The following APBB2 variants were observed in gnomAD, a reference collection of about 807,000 sequenced individuals.
The protein encoded by APBB2 is amyloid beta precursor protein binding family B member 2.
A neutral mutation model predicts 82.5 loss-of-function variants in APBB2; 38 were observed. That is an observed-to-expected ratio of 0.46 (90% CI 0.36 to 0.60). APBB2 has a LOEUF of 0.60. Ranked by LOEUF, APBB2 falls within the 20% of genes least tolerant of loss-of-function variation. APBB2 has a pLI of 0.00. For missense variants in APBB2, 772 were observed against 972.3 expected (o/e 0.79, Z 2.74); for synonymous variants, 341 against 368.2 (o/e 0.93, Z 0.85).
At position 40,810,120 on chromosome 4, in the gene APBB2, A is replaced by C. The variant is rs1744126033; in HGVS notation, c.*5972T>G. The C allele has an allele frequency of 6.6e-6, 1 of 152,262 alleles. No individual in the cohort carries two copies. The highest frequency in any genetic ancestry group is 1.5e-5 in the Non-Finnish European group (1 of 68,044). 9.4% of individuals were successfully genotyped at this position (152,262 alleles called of 1,614,324 possible). A position where few individuals can be genotyped will look rare whatever the true frequency, so the allele number is the denominator to read the frequency against. On this transcript the variant is annotated 3_prime_UTR_variant, in exon 18 of 18. Coordinates refer to ENST00000508593, the MANE Select transcript of APBB2 (RefSeq NM_004307.2). Reference sequence around the variant, plus strand: ...GCTCAATTCAGGTGGCATGATTTTTAGAATATTATCTTCTTCAAGATGAAT... The same window carrying C: ...GCTCAATTCAGGTGGCATGATTTTTCGAATATTATCTTCTTCAAGATGAAT...
At chr4:41,043,304 T>C (rs1030910621) in intron 4 of APBB2, among the ~76,000 whole-genome samples, 4 of 152,218 alleles carry the variant, frequency 2.6e-5, no homozygotes, top group Non-Finnish European at 2.9e-5. Context: ...AATGGAATAC[T>C]ATGCATCACT....
Position 40,827,136 on chromosome 4 carries a change from C to T in APBB2, c.1728G>A (p.Leu576=). 1 of 1,614,042 alleles carries T rather than the reference C, an allele frequency of 6.2e-7. No homozygotes were observed. The highest frequency in any genetic ancestry group is 1.3e-5 in the African/African-American group (1 of 75,050). ...CATGAGGTGCCACTGACTTACCTTGCAAAGGGACATCGAGGTTCACATTGG... is the reference window on the plus strand; with the variant it reads ...CATGAGGTGCCACTGACTTACCTTGTAAAGGGACATCGAGGTTCACATTGG... ...ERANVNLDVP[L]QVDFPTPKTE... Residue 576 remains leucine (L), a synonymous_variant, in exon 14 of 18, where the codon TTG becomes TTA. Transcript: ENST00000508593.
At chr4:40,817,443 TGAACAACA>T (rs1746147181) in intron 17 of APBB2, among the ~76,000 whole-genome samples, 1 of 152,014 alleles carries the variant, frequency 6.6e-6, no homozygotes, top group African/African-American at 2.4e-5. Context: ...AGCTGATCTT[TGAACAACA>T]GAGTTTGAAC....
chr4:41,150,106 T>C (rs1393056251), intron 1 of APBB2, among the ~76,000 whole-genome samples: 2 of 152,230 alleles, frequency 1.3e-5, no homozygotes, highest in Admixed American at 6.5e-5. Flanking sequence ...TCCCAGATGA[T>C]GCTAATACAG....
chr4:41,108,365 TAAAA>T (rs911764610), intron 2 of APBB2, among the ~76,000 whole-genome samples: 1 of 148,292 alleles, frequency 6.7e-6, no homozygotes, highest in Admixed American at 6.7e-5. Flanking sequence ...GTCCATTTCT[TAAAA>T]AAAAAAGAAA....
At chr4:40,982,231 AAAGAAAGAAAGAAAGAAAG>A (rs1295895556) in intron 6 of APBB2, among the ~76,000 whole-genome samples, 5 of 6,462 alleles carry the variant, frequency 7.7e-4, no homozygotes, top group African/African-American at 1.7e-3. Context: ...GGAAAGAAAG[AAAGAAAGAAAGAAAGAAAG>A]AAAGAAAGAA....
chr4:41,077,133 T>G (rs1735916390), intron 3 of APBB2, among the ~76,000 whole-genome samples: 1 of 150,000 alleles, frequency 6.7e-6, no homozygotes, highest in Admixed American at 6.7e-5. Flanking sequence ...ACTTCCCGAG[T>G]AACTAGGACT....
chr4:41,205,671 C>T lies in APBB2; in HGVS notation c.-417+8734G>A, dbSNP rs1189044102. Among the ~76,000 whole-genome samples, 3 of 152,154 alleles carry T rather than the reference C, an allele frequency of 2.0e-5. No homozygotes were observed. The East Asian group carries it at 5.8e-4, about 29-fold the overall frequency. ...CTGCCCTGGATACTCTAAACTCAAG[C>T]TCTTTAGAGTCAAAAGGTAAAGTTT... is the stretch of plus-strand genomic sequence containing the variant. On this transcript the variant is annotated intron_variant, in intron 1 of 17. Transcript: ENST00000508593.
At chr4:41,209,039 G>T (rs1778664604) in intron 1 of APBB2, among the ~76,000 whole-genome samples, 1 of 152,080 alleles carries the variant, frequency 6.6e-6, no homozygotes, top group African/African-American at 2.4e-5. Flanking sequence ...CTTACTTCCT[G>T]CCCAGTTGTG....
intron 6 of APBB2, among the ~76,000 whole-genome samples, chr4:40,992,361 T>TGC (rs1553899619): frequency 1.4e-5 from 2 of 139,300 alleles, no homozygotes; most frequent in Non-Finnish European, 3.1e-5. Flanking sequence ...TTGGTAGAGA[T>TGC]GGGGGGGGGT....
chr4:41,138,214 T>C (rs80132496), intron 2 of APBB2: 2 of 152,098 alleles, frequency 1.3e-5, no homozygotes, highest in Admixed American at 6.6e-5. Context: ...AAACTTTTCA[T>C]GAGCTTTGAT....
At chr4:40,975,818 A>G (rs1797057252) in intron 6 of APBB2, among the ~76,000 whole-genome samples, 1 of 150,416 alleles carries the variant, frequency 6.6e-6, no homozygotes, top group African/African-American at 2.4e-5. Flanking sequence ...CCCTATATAA[A>G]CCTCATTCTC....
chr4:41,193,686 G>A, intron 1 of APBB2: 1 of 366,004 alleles, frequency 2.7e-6, no homozygotes, highest in Non-Finnish European at 3.8e-6. Context: ...CACTGCTGCT[G>A]TTACAGCAAC....
At chr4:41,151,439 TG>T (rs1367490136) in intron 1 of APBB2, among the ~76,000 whole-genome samples, 2 of 152,376 alleles carry the variant, frequency 1.3e-5, no homozygotes, top group East Asian at 3.8e-4. Context: ...TTTTAATTAA[TG>T]AGATTTATCT....
At chr4:41,001,827 G>A (rs1179775804) in intron 6 of APBB2, among the ~76,000 whole-genome samples, 3 of 150,596 alleles carry the variant, frequency 2.0e-5, no homozygotes, top group Admixed American at 6.6e-5. Context: ...GCAGTGAGCC[G>A]AAATCGCGCC....
At chr4:41,137,627 T>A (rs1418770827) in intron 2 of APBB2, among the ~76,000 whole-genome samples, 1 of 152,110 alleles carries the variant, frequency 6.6e-6, no homozygotes, top group African/African-American at 2.4e-5. Context: ...AAAATTGCAT[T>A]GCAAAAACCA....
chr4:41,180,088 A>G (rs1441805334), intron 1 of APBB2, among the ~76,000 whole-genome samples: 2 of 152,206 alleles, frequency 1.3e-5, no homozygotes, highest in Admixed American at 1.3e-4. Context: ...GGAACAAAAC[A>G]GCTCTCAGAA....
intron 3 of APBB2, among the ~76,000 whole-genome samples, chr4:41,091,662 T>C (rs1042666903): frequency 1.3e-5 from 2 of 152,156 alleles, no homozygotes; most frequent in African/African-American, 4.8e-5. Flanking sequence ...TCCATAAATA[T>C]CTGCGGAGTA....
At position 40,897,710 on chromosome 4, in the gene APBB2, CG is replaced by C. The variant is rs1474872081; in HGVS notation, c.1255-4300del. ...AGGTGTAAGCGGGACTAGGCAGCTC[CG>C]CCCGAGGGGCCAGCTTGGCTTCTTC... is the stretch of plus-strand genomic sequence containing the variant. On this transcript the variant is annotated intron_variant, in intron 10 of 17. Transcript: ENST00000508593. 7.0e-4 allele frequency among the ~76,000 whole-genome samples: 106 copies of C among 152,178 alleles called. 3 individuals are homozygous for C. Among genetic ancestry groups the C allele is most frequent in the Non-Finnish European group, 2.6e-4 (18 of 68,040 alleles).
Sources: gnomAD v4.1 joint callset for allele counts (sites outside exome capture counted in the v4.1 genomes callset) on GRCh38, gnomAD v4.1.1 for gene constraint, MANE v1.5 for transcripts, NCBI Gene and HGNC (gene_info 2026-07-23, HGNC 2026-07-21) for gene names.